Variants in TRMT61B observed in about 807,000 individuals in gnomAD.
The protein encoded by TRMT61B is tRNA methyltransferase 61B.
Under a neutral mutation model 52.0 loss-of-function variants are expected in TRMT61B, and 56 were observed. The ratio of observed to expected loss-of-function variants is 1.08; its 90% confidence interval spans 0.87 to 1.35. TRMT61B has a LOEUF of 1.35. Among genes scored for constraint, TRMT61B ranks in the 40% most tolerant of loss-of-function variants. The pLI is 0.00. For synonymous variants in TRMT61B, 206 were observed against 220.0 expected, an observed-to-expected ratio of 0.94 and a Z score of 0.56; for missense variants, 650 against 577.9, an observed-to-expected ratio of 1.12 and a Z score of -1.28.
At chr2:28,860,433 T>C (rs765541828) in intron 3 of TRMT61B, among the ~76,000 whole-genome samples, 1 of 152,128 alleles carries the variant, frequency 6.6e-6, no homozygotes, top group African/African-American at 2.4e-5. Context: ...AGCTATGAAC[T>C]GTGAAGTGGC....
chr2:28,855,106 C>G, intron 3 of TRMT61B, among the ~76,000 whole-genome samples: 1 of 152,198 alleles, frequency 6.6e-6, no homozygotes, highest in Middle Eastern at 3.4e-3. Flanking sequence ...TACAAACACT[C>G]AGGTAGTAGG....
chr2:28,854,276 A>T (rs1669243910), intron 3 of TRMT61B, among the ~76,000 whole-genome samples: 1 of 152,106 alleles, frequency 6.6e-6, no homozygotes. Flanking sequence ...CATATAAATA[A>T]ATAGGACAGA....
chr2:28,855,197 G>A lies in TRMT61B; in HGVS notation c.994-2698C>T, dbSNP rs189234381. Among the ~76,000 whole-genome samples the A allele has an allele frequency of 3.3e-5, 5 of 152,256 alleles. No individual in the cohort carries two copies. In the East Asian group the frequency reaches 7.7e-4, roughly 24 times the overall value. On this transcript the variant is annotated intron_variant, in intron 3 of 6. Transcript: ENST00000306108. ...AGTGGTAAGAGATGACATCGAAGGT[G>A]GTGGACACAGATTACATAGAATCAT...
At position 28,869,642 on chromosome 2, in the gene TRMT61B, C is replaced by T. The variant is rs764046256; in HGVS notation, c.636G>A (p.Arg212=). 6 of 1,614,190 alleles carry T rather than the reference C, an allele frequency of 3.7e-6. No homozygotes were observed. The highest frequency in any genetic ancestry group is 4.2e-6 in the Non-Finnish European group (5 of 1,180,034). Reference sequence around the variant, plus strand: ...CTACATAGTCTTCCAAGGCTGGCCTCCTCAGCATGTACTGCTTACCGAAGG... The same window carrying T: ...CTACATAGTCTTCCAAGGCTGGCCTTCTCAGCATGTACTGCTTACCGAAGG... ...RSSFGKQYML[R]RPALEDYVVL... The change falls in exon 1 of 7, where the codon AGG becomes AGA. Residue 212 remains arginine (R), a synonymous_variant. Coordinates refer to ENST00000306108, the MANE Select transcript of TRMT61B (RefSeq NM_017910.4).
intron 3 of TRMT61B, among the ~76,000 whole-genome samples, chr2:28,852,833 C>A (rs967659683): frequency 6.6e-6 from 1 of 151,756 alleles, no homozygotes; most frequent in Non-Finnish European, 1.5e-5. Context: ...GTGGCACAAG[C>A]CCGTAGTACC....
chr2:28,853,178 T>TC (rs1669196276), intron 3 of TRMT61B, among the ~76,000 whole-genome samples: 1 of 151,654 alleles, frequency 6.6e-6, no homozygotes, highest in South Asian at 2.1e-4. Flanking sequence ...AATGTGAATT[T>TC]CCTTTTTTTT....
chr2:28,869,132 C>T (rs2148157174), intron 1 of TRMT61B, among the ~76,000 whole-genome samples: 1 of 152,166 alleles, frequency 6.6e-6, no homozygotes, highest in East Asian at 1.9e-4. Context: ...GGAAAAGCAC[C>T]GTAATGTACC....
chr2:28,861,170 T>C lies in TRMT61B; in HGVS notation c.941A>G (p.His314Arg). 5 of 1,611,582 alleles carry C rather than the reference T, an allele frequency of 3.1e-6. No individual in the cohort carries two copies. Among genetic ancestry groups the C allele is most frequent in the Non-Finnish European group, 4.2e-6 (5 of 1,179,444 alleles). ...EEWPDNVDFI[H>R]KDISGATEDI... ...TTCGGTTGCTCCTGAAATGTCCTTATGAATAAAATCCACATTGTCTGGCCA... is the reference window on the plus strand; with the variant it reads ...TTCGGTTGCTCCTGAAATGTCCTTACGAATAAAATCCACATTGTCTGGCCA... Residue 314 changes from histidine to arginine, a missense_variant, in exon 3 of 7, where the codon CAT becomes CGT. Coordinates refer to ENST00000306108, the MANE Select transcript of TRMT61B (RefSeq NM_017910.4).
At chr2:28,866,784 C>T (rs1419896667) in intron 1 of TRMT61B, among the ~76,000 whole-genome samples, 1 of 152,062 alleles carries the variant, frequency 6.6e-6, no homozygotes, top group African/African-American at 2.4e-5. Context: ...TTAATAAAAA[C>T]TGTTTTTTTA....
chr2:28,870,140 G>A lies in TRMT61B; in HGVS notation c.138C>T (p.Asp46=), dbSNP rs1670022863. 1 of 1,613,920 alleles carries A rather than the reference G, an allele frequency of 6.2e-7. No individual in the cohort carries two copies. The highest frequency in any genetic ancestry group is 1.3e-5 in the African/African-American group (1 of 74,942). ...RSLCCRSSPR[D]LRDGEREHEA... is the part of the protein sequence containing the mutation. The stretch of plus-strand genomic sequence containing the variant: ...CGTGCTCTCTTTCTCCATCTCGCAG[G>A]TCTCTAGGCGAGGACCTGCAACACA... The change falls in exon 1 of 7, where the codon GAC becomes GAT. Residue 46 remains aspartate (D), a synonymous_variant. Transcript: ENST00000306108.
At chr2:28,867,569 G>C (rs1239250236) in intron 1 of TRMT61B, among the ~76,000 whole-genome samples, 1 of 152,142 alleles carries the variant, frequency 6.6e-6, no homozygotes, top group East Asian at 1.9e-4. Flanking sequence ...AACAAATTTA[G>C]TACTTAAATT....
intron 2 of TRMT61B, among the ~76,000 whole-genome samples, chr2:28,862,204 CA>C (rs66527180): frequency 0.37 from 24,585 of 65,852 alleles, 1,378 homozygotes; most frequent in Middle Eastern, 0.46. Flanking sequence ...GACTCCGTCT[CA>C]AAAAAAAAAA....
At chr2:28,851,923 A>C (rs1034007811) in intron 4 of TRMT61B, among the ~76,000 whole-genome samples, 5 of 151,490 alleles carry the variant, frequency 3.3e-5, no homozygotes, top group African/African-American at 1.2e-4. Flanking sequence ...TAAAAAAAAA[A>C]AACACTAAAT....
intron 3 of TRMT61B, among the ~76,000 whole-genome samples, chr2:28,853,493 T>C (rs554109477): frequency 1.3e-5 from 2 of 152,278 alleles, no homozygotes; most frequent in South Asian, 4.1e-4. Flanking sequence ...TGAATTTCTA[T>C]TGCCAAAACT....
At chr2:28,866,915 C>T (rs1214656776) in intron 1 of TRMT61B, among the ~76,000 whole-genome samples, 1 of 152,050 alleles carries the variant, frequency 6.6e-6, no homozygotes, top group Admixed American at 6.6e-5. Context: ...CCTACCTCAG[C>T]CTCCAAAGTA....
At chr2:28,852,007 A>T (rs1669128263) in intron 4 of TRMT61B, among the ~76,000 whole-genome samples, 1 of 150,334 alleles carries the variant, frequency 6.7e-6, no homozygotes, top group Non-Finnish European at 1.5e-5. Flanking sequence ...TATACACTTT[A>T]TTCAGTTACA....
intron 1 of TRMT61B, among the ~76,000 whole-genome samples, chr2:28,866,543 G>C (rs1669856706): frequency 3.3e-5 from 5 of 152,148 alleles, no homozygotes; most frequent in Admixed American, 3.3e-4. Context: ...TGCCATGGCT[G>C]ATCTGACAAG....
At chr2:28,850,583 G>A (rs1572526166) in intron 5 of TRMT61B, 178 bp from the exon 6 acceptor site, 1 of 540,714 alleles carries the variant, frequency 1.8e-6, no homozygotes, top group East Asian at 3.1e-5. Context: ...CAATGATTAT[G>A]TAATAAACAT....
At chr2:28,852,557 T>C (rs527428349) in intron 3 of TRMT61B, 58 bp from the exon 4 acceptor site, 2 of 1,160,010 alleles carry the variant, frequency 1.7e-6, no homozygotes, top group African/African-American at 3.1e-5. Context: ...AAAGCATAAG[T>C]TTTCTTATTG....
Sources: allele counts gnomAD v4.1 joint callset (sites outside exome capture counted in the v4.1 genomes callset), GRCh38; gene constraint gnomAD v4.1.1; transcripts MANE v1.5; gene names NCBI Gene and HGNC (gene_info 2026-07-23, HGNC 2026-07-21).